Variants in DENND2B observed in about 807,000 individuals in gnomAD.
DENND2B encodes the protein DENN domain containing 2B.
In DENND2B, 32 loss-of-function variants were observed where a neutral mutation model predicts 116.0. The ratio of observed to expected loss-of-function variants is 0.28; its 90% confidence interval spans 0.21 to 0.37. The LOEUF is 0.37. DENND2B is among the 10% of genes least tolerant of loss of function. The pLI is 1.00. For missense variants in DENND2B, 1,276 were observed against 1,477.7 expected (o/e 0.86, Z 2.24); for synonymous variants, 588 against 583.9 (o/e 1.01, Z -0.10).
At chr11:8,695,579 G>C in intron 18 of DENND2B, 30 bp from the exon 19 acceptor site, 1 of 1,604,454 alleles carries the variant, frequency 6.2e-7, no homozygotes, top group Non-Finnish European at 8.5e-7. Context: ...ACAGGGAAGA[G>C]AACAGTCATT....
At chr11:8,733,078 T>G (rs1454619736) in intron 2 of DENND2B, among the ~76,000 whole-genome samples, 2 of 152,188 alleles carry the variant, frequency 1.3e-5, no homozygotes, top group African/African-American at 4.8e-5. Context: ...AGCCATCCCA[T>G]GTGTATATGG....
chr11:8,850,498 C>T (rs573687007), intron 3 of DENND2B, among the ~76,000 whole-genome samples: 26 of 152,144 alleles, frequency 1.7e-4, no homozygotes, highest in African/African-American at 6.0e-4. Flanking sequence ...ACCGAGATAA[C>T]ACCTCACACC....
intron 3 of DENND2B, among the ~76,000 whole-genome samples, chr11:8,853,769 G>A (rs527309255): frequency 6.6e-6 from 1 of 152,158 alleles, no homozygotes; most frequent in Non-Finnish European, 1.5e-5. Context: ...CTAGAAAGGA[G>A]AGGACTAAGA....
At chr11:8,714,581 G>C (rs750834381) in intron 7 of DENND2B, 29 bp downstream of exon 7, 15 of 1,597,154 alleles carry the variant, frequency 9.4e-6, no homozygotes, top group Non-Finnish European at 1.1e-5. Context: ...GCCCCAAACA[G>C]CTGAACCAGC....
chr11:8,818,525 C>T, intron 4 of DENND2B, among the ~76,000 whole-genome samples: 1 of 152,054 alleles, frequency 6.6e-6, no homozygotes, highest in East Asian at 1.9e-4. Context: ...GAAGTGTGAG[C>T]CCAGACTGTG....
At chr11:8,824,064 G>A (rs2061873179) in intron 4 of DENND2B, among the ~76,000 whole-genome samples, 2 of 151,756 alleles carry the variant, frequency 1.3e-5, no homozygotes, top group South Asian at 2.1e-4. Flanking sequence ...CACCACGCCC[G>A]GCTAATTTTT....
intron 5 of DENND2B, among the ~76,000 whole-genome samples, chr11:8,716,197 A>T (rs112672530): frequency 6.6e-6 from 1 of 152,194 alleles, no homozygotes; most frequent in Non-Finnish European, 1.5e-5. Flanking sequence ...CTCCCGAGCC[A>T]ATCCTAAAAG....
Position 8,739,278 on chromosome 11 carries a change from G to A in DENND2B, c.81-8069C>T, listed in dbSNP as rs1307440740. Among the ~76,000 whole-genome samples the A allele has an allele frequency of 7.2e-5, 11 of 152,134 alleles. No individual in the cohort carries two copies. In the East Asian group the frequency reaches 7.8e-4, roughly 11 times the overall value. Reference sequence around the variant, plus strand: ...CAGCCCAGTATCGCCGTCAGCCCCCGAAGCCCTCTCCCACTAGGCACGAAA... The same window carrying A: ...CAGCCCAGTATCGCCGTCAGCCCCCAAAGCCCTCTCCCACTAGGCACGAAA... On this transcript the variant is annotated intron_variant, in intron 2 of 19. Coordinates refer to ENST00000313726, the MANE Select transcript of DENND2B (RefSeq NM_213618.2).
chr11:8,715,557 C>T (rs1288892231), intron 6 of DENND2B, 46 bp downstream of exon 6: 4 of 1,594,658 alleles, frequency 2.5e-6, no homozygotes, highest in Non-Finnish European at 3.4e-6. Context: ...TGGCTGCCTG[C>T]CCGCCCACCT....
chr11:8,867,808 C>T (rs145400419), intron 2 of DENND2B, among the ~76,000 whole-genome samples: 3,165 of 152,116 alleles, frequency 0.021, 45 homozygotes, highest in Middle Eastern at 0.034. Flanking sequence ...GTCTCCAACT[C>T]CTGAGCTCAA....
intron 1 of DENND2B, among the ~76,000 whole-genome samples, chr11:8,803,135 A>G (rs1229989271): frequency 6.6e-6 from 1 of 152,220 alleles, no homozygotes; most frequent in Admixed American, 6.5e-5. Flanking sequence ...CTGTACTCCC[A>G]GCACTTTGGA....
intron 13 of DENND2B, chr11:8,703,440 C>T (rs2042057631): frequency 1.3e-5 from 2 of 152,480 alleles, no homozygotes; most frequent in Admixed American, 6.5e-5. Flanking sequence ...CAGAGAGCCA[C>T]TTCTCTGGGG....
intron 2 of DENND2B, among the ~76,000 whole-genome samples, chr11:8,880,665 G>A (rs1345262209): frequency 2.6e-5 from 4 of 152,046 alleles, no homozygotes; most frequent in South Asian, 2.1e-4. Flanking sequence ...CTATGGTCAC[G>A]CATGTTATCT....
At chr11:8,873,331 A>C (rs1566076155), upstream of DENND2B, among the ~76,000 whole-genome samples, 1 of 152,262 alleles carries the variant, frequency 6.6e-6, no homozygotes, top group Non-Finnish European at 1.5e-5. Flanking sequence ...CAATAATTAG[A>C]TATAAATACT....
At chr11:8,887,110 G>A (rs937395242) in intron 1 of DENND2B, among the ~76,000 whole-genome samples, 1 of 152,154 alleles carries the variant, frequency 6.6e-6, no homozygotes, top group African/African-American at 2.4e-5. Context: ...TTACAGCACG[G>A]TGAGCCACCA....
At chr11:8,900,106 C>T (rs950847216) in intron 1 of DENND2B, among the ~76,000 whole-genome samples, 17 of 152,038 alleles carry the variant, frequency 1.1e-4, no homozygotes, top group African/African-American at 4.1e-4. Context: ...GCCTGGGCAA[C>T]ATGATGAGAC....
chr11:8,722,726 G>A (rs890505775), intron 4 of DENND2B, among the ~76,000 whole-genome samples: 5 of 152,176 alleles, frequency 3.3e-5, no homozygotes, highest in Admixed American at 2.6e-4. Flanking sequence ...GGGAAAACAC[G>A]CACAGGGCAC....
At chr11:8,779,581 C>T (rs868837777) in intron 1 of DENND2B, among the ~76,000 whole-genome samples, 15 of 147,292 alleles carry the variant, frequency 1.0e-4, no homozygotes, top group Middle Eastern at 3.6e-3. Flanking sequence ...GGTGGAATCT[C>T]GGCTCACCAC....
chr11:8,908,376 G>C (rs775181001), intron 1 of DENND2B, among the ~76,000 whole-genome samples: 6 of 152,166 alleles, frequency 3.9e-5, no homozygotes, highest in Non-Finnish European at 8.8e-5. Flanking sequence ...ATGATACTGG[G>C]TAAGTGAGAG....
Sources: allele counts gnomAD v4.1 joint callset (sites outside exome capture counted in the v4.1 genomes callset), GRCh38; gene constraint gnomAD v4.1.1; transcripts MANE v1.5; gene names NCBI Gene and HGNC (gene_info 2026-07-23, HGNC 2026-07-21).